RANBP17: variants seen among roughly 807,000 people sequenced by gnomAD.
The protein encoded by RANBP17 is RAN binding protein 17.
A neutral mutation model predicts 141.2 loss-of-function variants in RANBP17; 158 were observed. That is an observed-to-expected ratio of 1.12 (90% confidence interval 0.98 to 1.28). RANBP17 has a LOEUF of 1.28. RANBP17 is among the 50% of genes most tolerant of loss of function. The pLI is 0.00. For synonymous variants in RANBP17, 430 were observed against 450.0 expected (o/e 0.96, Z 0.56); for missense variants, 1,438 against 1,290.7 (o/e 1.11, Z -1.75).
rs547126030 is a variant in RANBP17 at position 171,192,041 on chromosome 5, G to T, written c.2039-7629G>T. Among the ~76,000 whole-genome samples the T allele has an allele frequency of 9.2e-5, 14 of 152,292 alleles. 1 individual carries two copies. The South Asian group carries it at 2.7e-3, about 29-fold the overall frequency. Reference sequence around the variant, plus strand: ...AAGTCAAATGTAGTTTTTAAAATTTGTTCTTATGCCTAATAATTGGCCAAA... The same window carrying T: ...AAGTCAAATGTAGTTTTTAAAATTTTTTCTTATGCCTAATAATTGGCCAAA... On this transcript the variant is annotated intron_variant, in intron 18 of 27. Transcript: ENST00000523189.
intron 13 of RANBP17, among the ~76,000 whole-genome samples, chr5:170,953,924 AAAT>A (rs763554969): frequency 3.3e-5 from 5 of 152,208 alleles, no homozygotes; most frequent in Non-Finnish European, 7.3e-5. Context: ...ATGTTTGTGC[AAAT>A]AATGTGATAA....
chr5:171,128,497 C>T (rs917212521), intron 14 of RANBP17, among the ~76,000 whole-genome samples: 1 of 151,950 alleles, frequency 6.6e-6, no homozygotes, highest in Non-Finnish European at 1.5e-5. Context: ...ATGATGGCTA[C>T]CAGAGGCTGC....
intron 22 of RANBP17, among the ~76,000 whole-genome samples, chr5:171,224,426 A>G (rs1350070765): frequency 6.6e-6 from 1 of 152,132 alleles, no homozygotes. Context: ...CTGTTAAGGG[A>G]AGTGAGCTTC....
chr5:171,178,478 C>T (rs1760658759), intron 16 of RANBP17, among the ~76,000 whole-genome samples: 1 of 152,118 alleles, frequency 6.6e-6, no homozygotes, highest in African/African-American at 2.4e-5. Context: ...CTGCAATAAA[C>T]ATACGCGTGC....
chr5:171,102,608 C>G (rs1787251065), intron 14 of RANBP17, among the ~76,000 whole-genome samples: 1 of 152,072 alleles, frequency 6.6e-6, no homozygotes, highest in Admixed American at 6.6e-5. Flanking sequence ...ATTCGTCAAA[C>G]TAATTCTCTG....
chr5:170,990,873 A>G (rs752731159), intron 14 of RANBP17, among the ~76,000 whole-genome samples: 2 of 151,960 alleles, frequency 1.3e-5, no homozygotes, highest in African/African-American at 2.4e-5. Context: ...CTCCTCTGCC[A>G]TGAGGGATAC....
At chr5:170,896,625 T>C (rs1176868650) in intron 5 of RANBP17, among the ~76,000 whole-genome samples, 1 of 152,080 alleles carries the variant, frequency 6.6e-6, no homozygotes, top group Non-Finnish European at 1.5e-5. Flanking sequence ...AGGTCAGGAA[T>C]TCGAGACCAG....
chr5:170,910,690 A>AT lies in RANBP17; in HGVS notation c.595-277dup, dbSNP rs1651826571. On this transcript the variant is annotated intron_variant, in intron 6 of 27. Transcript: ENST00000523189. ...GTTTTTGGTTTGTGTGAGAATGGGC[A>AT]TTATCTTGGAAATAGGATTGTTCTC... The AT allele has an allele frequency of 4.0e-5, 13 of 325,362 alleles. No individual in the cohort carries two copies. The South Asian group carries it at 5.9e-4, about 15-fold the overall frequency. 20.2% of individuals were successfully genotyped at this position (325,362 alleles called of 1,614,324 possible). A position where few individuals can be genotyped will look rare whatever the true frequency, so the allele number is the denominator to read the frequency against.
intron 22 of RANBP17, among the ~76,000 whole-genome samples, chr5:171,234,164 A>G (rs962323134): frequency 2.6e-5 from 4 of 152,180 alleles, no homozygotes; most frequent in Admixed American, 6.5e-5. Flanking sequence ...ATTTGAGTAA[A>G]GACTTCCAGT....
At chr5:171,265,277 A>G (rs1030696895) in intron 24 of RANBP17, among the ~76,000 whole-genome samples, 2 of 152,166 alleles carry the variant, frequency 1.3e-5, no homozygotes, top group Non-Finnish European at 2.9e-5. Flanking sequence ...GCTCATGCCT[A>G]TAATCCCAGC....
intron 14 of RANBP17, among the ~76,000 whole-genome samples, chr5:171,047,442 G>GTT (rs60072803): frequency 0.016 from 2,045 of 129,360 alleles, 38 homozygotes; most frequent in Non-Finnish European, 0.023. Flanking sequence ...TTTTTGTTTT[G>GTT]TTTTTTTTTT....
chr5:171,149,244 C>G (rs904725729), intron 14 of RANBP17, among the ~76,000 whole-genome samples: 1 of 152,170 alleles, frequency 6.6e-6, no homozygotes, highest in Non-Finnish European at 1.5e-5. Context: ...TTTTACTGTT[C>G]CATTTTTTAC....
At chr5:171,127,268 C>T (rs944864000) in intron 14 of RANBP17, among the ~76,000 whole-genome samples, 1 of 152,140 alleles carries the variant, frequency 6.6e-6, no homozygotes. Flanking sequence ...TGATAAAATT[C>T]AACATGCCTT....
intron 14 of RANBP17, among the ~76,000 whole-genome samples, chr5:171,144,504 G>T (rs1581727776): frequency 6.6e-6 from 1 of 152,172 alleles, no homozygotes; most frequent in Admixed American, 6.5e-5. Flanking sequence ...CCTAGTCCTA[G>T]AGGGAAAAAA....
In RANBP17 at chr5:170,881,873, CTG is replaced by C; in HGVS notation, c.235_236del (p.Val79Ter). 6.2e-7 allele frequency: 1 copy of C among 1,608,628 alleles called. No homozygotes were observed. The highest frequency in any genetic ancestry group is 8.5e-7 in the Non-Finnish European group (1 of 1,177,122). The stretch of plus-strand genomic sequence containing the variant: ...CTTGTCAGCCGAGTCAGTCCTTTAC[CTG>C]TTGAGCAGAGGATGGACATCAGTAA... On this transcript the variant is annotated frameshift_variant, in exon 3 of 28. Coordinates refer to ENST00000523189, the MANE Select transcript of RANBP17 (RefSeq NM_022897.5). LOFTEE classifies it high-confidence loss of function.
chr5:171,108,777 T>C (rs1420678545), intron 14 of RANBP17, among the ~76,000 whole-genome samples: 1 of 152,170 alleles, frequency 6.6e-6, no homozygotes, highest in Non-Finnish European at 1.5e-5. Context: ...ATCAGAAAAA[T>C]GGCTGACTGA....
chr5:171,047,255 T>C (rs575999532), intron 14 of RANBP17, among the ~76,000 whole-genome samples: 17 of 151,374 alleles, frequency 1.1e-4, no homozygotes, highest in African/African-American at 4.1e-4. Context: ...TGACCTCATG[T>C]GATCCACCCA....
At chr5:171,043,781 C>T (rs962798465) in intron 14 of RANBP17, among the ~76,000 whole-genome samples, 20 of 151,952 alleles carry the variant, frequency 1.3e-4, no homozygotes, top group African/African-American at 4.6e-4. Context: ...ATTTATTGAC[C>T]TTCAATGAAG....
intron 20 of RANBP17, among the ~76,000 whole-genome samples, chr5:171,209,544 A>G (rs1410205279): frequency 6.6e-6 from 1 of 152,168 alleles, no homozygotes; most frequent in African/African-American, 2.4e-5. Flanking sequence ...GAATGAATAA[A>G]ATGATTGCTC....
Sources: gnomAD v4.1 joint callset for allele counts (sites outside exome capture counted in the v4.1 genomes callset) on GRCh38, gnomAD v4.1.1 for gene constraint, MANE v1.5 for transcripts, NCBI Gene and HGNC (gene_info 2026-07-23, HGNC 2026-07-21) for gene names.